CROCC2: variants seen among roughly 807,000 people sequenced by gnomAD.
The protein encoded by CROCC2 is ciliary rootlet coiled-coil protein 2.
In CROCC2, 163 loss-of-function variants were observed where a neutral mutation model predicts 177.6. The observed-to-expected ratio is 0.92, with a 90% confidence interval of 0.81 to 1.05. CROCC2 has a LOEUF of 1.05. Ranked by LOEUF, CROCC2 falls within the 50% of genes least tolerant of loss-of-function variation. CROCC2 has a pLI of 0.00. For missense variants in CROCC2, 1,929 were observed against 1,797.8 expected (o/e 1.07, Z -1.32); for synonymous variants, 904 against 787.3 (o/e 1.15, Z -2.48).
At chr2:240,945,330 A>G (rs901067784) in intron 14 of CROCC2, among the ~76,000 whole-genome samples, 2 of 152,220 alleles carry the variant, frequency 1.3e-5, no homozygotes, top group Admixed American at 6.5e-5. Flanking sequence ...TTCGGTGTCT[A>G]TGAAGGATGG....
intron 27 of CROCC2, among the ~76,000 whole-genome samples, chr2:240,980,327 C>T (rs1316336806): frequency 8.3e-4 from 84 of 101,142 alleles, no homozygotes; most frequent in African/African-American, 3.2e-3. Flanking sequence ...CAGGCTCATC[C>T]CTGCTCAGGC....
In CROCC2 at chr2:240,918,894, A is replaced by T. The variant is rs563112977; in HGVS notation, c.229+18A>T. The stretch of plus-strand genomic sequence containing the variant: ...ACCCCAAGGTGATGGTGTGGGGGAC[A>T]GTCCTGGGCCCGGGGCTGGCCAAGG... On this transcript the variant is annotated intron_variant, in intron 2 of 31. Transcript: ENST00000690015. The surrounding 1 kb of genome is among the most constrained non-coding windows in gnomAD (Gnocchi z 6.3). The T allele has an allele frequency of 1.5e-4, 103 of 678,672 alleles. No individual in the cohort carries two copies. The highest frequency in any genetic ancestry group is 2.9e-4 in the Admixed American group (13 of 45,252). The allele number at this position is 678,672 out of a possible 1,614,324, so 42.0% of individuals were successfully genotyped here.
Position 240,968,171 on chromosome 2 carries a change from C to T in CROCC2, c.4310C>T (p.Ala1437Val). The T allele has an allele frequency of 6.5e-7, 1 of 1,530,080 alleles. No individual in the cohort carries two copies. The highest frequency in any genetic ancestry group is 8.7e-7 in the Non-Finnish European group (1 of 1,143,130). 94.8% of individuals were successfully genotyped at this position (1,530,080 alleles called of 1,614,324 possible). The part of the protein sequence containing the change: ...VEGALSSARA[A>V]RALQKEALRR... ...GGCGCGCTGAGCAGCGCCCGGGCAG[C>T]ACGTGCCCTGCAGAAGGAGGCGCTC... is the stretch of plus-strand genomic sequence containing the variant. Residue 1437 changes from alanine (A) to valine (V), a missense_variant, in exon 27 of 32, where the codon GCA becomes GTA. Around this residue, in one of 3 missense-constraint regions of CROCC2, gnomAD observed 388 missense variants for 352.7 expected, o/e 1.10. Transcript: ENST00000690015.
At chr2:240,914,996 C>T (rs529224157) in intron 1 of CROCC2, among the ~76,000 whole-genome samples, 157 of 152,364 alleles carry the variant, frequency 1.0e-3, no homozygotes, top group African/African-American at 3.6e-3. Context: ...AAAGCCAAGA[C>T]TCGGGTTTTT....
rs775271521 is a variant in CROCC2 at position 240,989,691 on chromosome 2, G to A, written c.4721G>A (p.Arg1574Gln). 4.2e-5 allele frequency: 65 copies of A among 1,549,696 alleles called. 1 individual carries two copies. The highest frequency in any genetic ancestry group is 1.7e-4 in the Middle Eastern group (1 of 5,984). ...GAGATGGAGCAGGCCCACACCCAGC[G>A]GCTCCAGGACCTGACAGCTCAGCAC... ...MTEMEQAHTQ[R>Q]LQDLTAQHQR... Residue 1574 changes from arginine (R) to glutamine (Q), a missense_variant, in exon 30 of 32, where the codon CGG (arginine) becomes CAG (glutamine). Arg to Gln is a conservative substitution (Grantham distance 43). This residue lies in a region of CROCC2 where 388 missense variants were observed against 352.7 expected (regional missense o/e 1.10). Coordinates refer to ENST00000690015, the MANE Select transcript of CROCC2 (RefSeq NM_001351305.2).
In CROCC2 at chr2:240,950,320, T is replaced by C; in HGVS notation, c.2653-14T>C. ...CTGCCGGACCTCACAGCCCATCCCT[T>C]TACCTTGGCCCAGGAGACCCTGAGC... On this transcript the variant is annotated splice_polypyrimidine_tract_variant and intron_variant, in intron 17 of 31. Coordinates refer to ENST00000690015, the MANE Select transcript of CROCC2 (RefSeq NM_001351305.2). The C allele has an allele frequency of 6.5e-7, 1 of 1,548,000 alleles. No homozygotes were observed. Among genetic ancestry groups the C allele is most frequent in the African/African-American group, 1.4e-5 (1 of 73,004 alleles).
At chr2:240,975,336 G>T (rs939563267) in intron 27 of CROCC2, among the ~76,000 whole-genome samples, 2 of 152,178 alleles carry the variant, frequency 1.3e-5, no homozygotes, top group Non-Finnish European at 2.9e-5. Context: ...TGGAGTGAAG[G>T]GCTCCAATCC....
rs2059810216 is a variant in CROCC2, at chr2:240,982,850, C to T, written c.4402-30C>T. 1 of 1,537,252 alleles carries T rather than the reference C, an allele frequency of 6.5e-7. No individual in the cohort carries two copies. Among genetic ancestry groups the T allele is most frequent in the Non-Finnish European group, 8.8e-7 (1 of 1,139,650 alleles). ...CAGGGCCTCCCACCCCCAGTGTCTC[C>T]AGGTGGACCCTGTGTCTCCTTCCCC... is the stretch of plus-strand genomic sequence containing the variant. On this transcript the variant is annotated intron_variant, in intron 27 of 31. Coordinates refer to ENST00000690015, the MANE Select transcript of CROCC2 (RefSeq NM_001351305.2). This position sits in a 1 kb window ranked among gnomAD's most constrained non-coding sequence, Gnocchi z 4.7.
intron 20 of CROCC2, among the ~76,000 whole-genome samples, chr2:240,962,059 C>CACAT (rs1559606641): frequency 6.3e-5 from 9 of 141,896 alleles, no homozygotes; most frequent in African/African-American, 2.4e-4. Flanking sequence ...CACATACACT[C>CACAT]ACACTCACAC....
At chr2:240,935,242 CT>C (rs2059460764) in intron 13 of CROCC2, 115 bp from the exon 14 acceptor site, 1 of 1,216,558 alleles carries the variant, frequency 8.2e-7, no homozygotes, top group African/African-American at 1.6e-5. Context: ...GAGAGTGCCC[CT>C]GGGCCAGGCC....
intron 3 of CROCC2, 71 bp downstream of exon 3, chr2:240,920,205 G>C (rs768466158): frequency 1.0e-4 from 61 of 598,330 alleles, no homozygotes; most frequent in Non-Finnish European, 1.6e-4. Context: ...GTCACTTGTC[G>C]GGACGGCAGT....
At chr2:240,927,012 G>T (rs532928293) in intron 5 of CROCC2, among the ~76,000 whole-genome samples, 1 of 152,362 alleles carries the variant, frequency 6.6e-6, no homozygotes, top group East Asian at 1.9e-4. Context: ...GGGTCCCTGA[G>T]CTCAGTTTGG....
intron 30 of CROCC2, among the ~76,000 whole-genome samples, 194 bp downstream of exon 30, chr2:240,990,027 C>A (rs2059867417): frequency 6.6e-6 from 1 of 152,200 alleles, no homozygotes; most frequent in Non-Finnish European, 1.5e-5. Flanking sequence ...GAGGTTTATC[C>A]CACTGGGAGG....
intron 27 of CROCC2, among the ~76,000 whole-genome samples, chr2:240,975,472 G>A (rs945118428): frequency 4.6e-5 from 7 of 152,356 alleles, no homozygotes; most frequent in African/African-American, 9.6e-5. Flanking sequence ...TTGGCCCATC[G>A]TCGCCCAGTG....
rs1428834371 is a variant in CROCC2 at position 240,982,876 on chromosome 2, C to G, written c.4402-4C>G. ...AGGTGGACCCTGTGTCTCCTTCCCC[C>G]CAGGAGCAACTGGAAACGCTGCGCC... On this transcript the variant is annotated splice_region_variant and splice_polypyrimidine_tract_variant and intron_variant, in intron 27 of 31. Coordinates refer to ENST00000690015, the MANE Select transcript of CROCC2 (RefSeq NM_001351305.2). The surrounding 1 kb of genome is among the most constrained non-coding windows in gnomAD (Gnocchi z 4.7). 1 of 1,547,068 alleles carries G rather than the reference C, an allele frequency of 6.5e-7. No homozygotes were observed. The highest frequency in any genetic ancestry group is 8.7e-7 in the Non-Finnish European group (1 of 1,145,344).
At chr2:240,932,971 G>T in intron 9 of CROCC2, 63 bp downstream of exon 9, 1 of 1,526,660 alleles carries the variant, frequency 6.6e-7, no homozygotes, top group Non-Finnish European at 8.8e-7. Context: ...AGCCCCTCAG[G>T]CTGAAGGGTA....
At chr2:240,984,079 G>A (rs991855611) in intron 28 of CROCC2, among the ~76,000 whole-genome samples, 3 of 152,274 alleles carry the variant, frequency 2.0e-5, no homozygotes, top group South Asian at 2.1e-4. Context: ...GTGGTCAAGG[G>A]GTGAAGTGAC....
At chr2:240,966,105 G>A (rs929209355) in intron 24 of CROCC2, 112 bp downstream of exon 24, 3 of 1,267,442 alleles carry the variant, frequency 2.4e-6, no homozygotes, top group Non-Finnish European at 2.0e-6. Flanking sequence ...ACAGGCAATT[G>A]TAGGAACCTG....
Position 240,945,860 on chromosome 2 carries a change from AG to A in CROCC2, c.2170-197del, listed in dbSNP as rs1417544115. On this transcript the variant is annotated intron_variant, in intron 14 of 31. Transcript: ENST00000690015. ...AGTTCAATACCATCTCCATCCACTC[AG>A]GGTACCTGAGTGGATGCCCCCTCTA... Among the ~76,000 whole-genome samples the A allele has an allele frequency of 4.0e-5, 6 of 151,838 alleles. No individual in the cohort carries two copies. In the East Asian group the frequency reaches 9.7e-4, roughly 25 times the overall value.
Sources: allele counts gnomAD v4.1 joint callset (sites outside exome capture counted in the v4.1 genomes callset), GRCh38; gene constraint gnomAD v4.1.1; regional missense constraint gnomAD v4.1.1; non-coding constraint Gnocchi (gnomAD v3.1); transcripts MANE v1.5; gene names NCBI Gene and HGNC (gene_info 2026-07-23, HGNC 2026-07-21).